Variants in BMP2K observed in about 807,000 individuals in gnomAD.
The protein encoded by BMP2K is BMP-2-inducible protein kinase.
BMP2K carries 74 observed loss-of-function variants against 116.0 expected under a neutral mutation model. The ratio of observed to expected loss-of-function variants is 0.64; its 90% CI spans 0.53 to 0.77. BMP2K has a LOEUF of 0.77. BMP2K is among the 30% of genes least tolerant of loss of function. The probability of loss-of-function intolerance (pLI) is 0.00; values close to 1 mark genes in which losing one functional copy is unlikely to be tolerated. For synonymous variants in BMP2K, 486 were observed against 502.5 expected, an observed-to-expected ratio of 0.97 and a Z score of 0.44; for missense variants, 1,365 against 1,403.6, an observed-to-expected ratio of 0.97 and a Z score of 0.44.
intron 4 of BMP2K, 43 bp downstream of exon 4, chr4:78,842,570 G>A: frequency 1.3e-6 from 2 of 1,485,386 alleles, no homozygotes; most frequent in Non-Finnish European, 9.1e-7. Context: ...ATAAGTTGGA[G>A]TTAAAATGTT....
intron 9 of BMP2K, among the ~76,000 whole-genome samples, chr4:78,865,134 A>G (rs1731980800): frequency 6.6e-6 from 1 of 152,128 alleles, no homozygotes; most frequent in African/African-American, 2.4e-5. Context: ...TTCTTTTTTT[A>G]TGCCTTGGAG....
intron 9 of BMP2K, among the ~76,000 whole-genome samples, chr4:78,865,149 A>C (rs1731981768): frequency 6.6e-6 from 1 of 152,190 alleles, no homozygotes; most frequent in Non-Finnish European, 1.5e-5. Flanking sequence ...TTGGAGTCCA[A>C]GTAAAGGGAG....
At chr4:78,899,669 T>C (rs978255357) in intron 15 of BMP2K, among the ~76,000 whole-genome samples, 70 of 151,680 alleles carry the variant, frequency 4.6e-4, no homozygotes, top group African/African-American at 9.7e-4. Context: ...TTTTTTTTTT[T>C]CCCAAAGGAT....
intron 15 of BMP2K, among the ~76,000 whole-genome samples, chr4:78,904,063 TATGAAA>T (rs1290819170): frequency 6.6e-6 from 1 of 151,886 alleles, no homozygotes; most frequent in African/African-American, 2.4e-5. Flanking sequence ...TAATTGGAAT[TATGAAA>T]GAGTATTAAA....
intron 7 of BMP2K, chr4:78,859,382 GA>G: frequency 2.4e-6 from 1 of 411,034 alleles, no homozygotes; most frequent in Non-Finnish European, 4.3e-6. Flanking sequence ...TTCTGTGATT[GA>G]TCTACCCTTA....
chr4:78,852,594 A>AT lies in BMP2K; in HGVS notation c.883+1545dup, dbSNP rs1577927267. Among the ~76,000 whole-genome samples, 4 of 152,084 alleles carry AT rather than the reference A, an allele frequency of 2.6e-5. No homozygotes were observed. The East Asian group carries it at 7.7e-4, about 29-fold the overall frequency. On this transcript the variant is annotated intron_variant, in intron 7 of 15. Transcript: ENST00000502613. ...TTAGAAAACATTTAGATTCTTTGCA[A>AT]TTTTTTTCTTTTTCTTTGTCTTCTT... is the stretch of plus-strand genomic sequence containing the variant.
chr4:78,804,954 G>A (rs1414314728), intron 1 of BMP2K, among the ~76,000 whole-genome samples: 1 of 151,988 alleles, frequency 6.6e-6, no homozygotes, highest in Non-Finnish European at 1.5e-5. Context: ...GGTTGCATAT[G>A]CTTTTGATAT....
intron 1 of BMP2K, among the ~76,000 whole-genome samples, chr4:78,800,338 A>G (rs1236504832): frequency 1.3e-5 from 2 of 152,212 alleles, no homozygotes; most frequent in Non-Finnish European, 2.9e-5. Context: ...ATGCATAAGC[A>G]TCAACATGTT....
intron 15 of BMP2K, among the ~76,000 whole-genome samples, chr4:78,907,717 A>C (rs1253572136): frequency 1.3e-5 from 2 of 152,198 alleles, no homozygotes; most frequent in African/African-American, 4.8e-5. Context: ...GGCAGAATGC[A>C]GAGTGCACCA....
chr4:78,783,773 T>C (rs1187227837), intron 1 of BMP2K, among the ~76,000 whole-genome samples: 1 of 151,886 alleles, frequency 6.6e-6, no homozygotes, highest in Non-Finnish European at 1.5e-5. Context: ...GCCATTGCAC[T>C]CCAGCCTGGG....
At chr4:78,812,871 C>T (rs1401448629) in intron 1 of BMP2K, among the ~76,000 whole-genome samples, 1 of 151,850 alleles carries the variant, frequency 6.6e-6, no homozygotes, top group Non-Finnish European at 1.5e-5. Context: ...CCCACACCCC[C>T]ATCTCTACCA....
chr4:78,860,479 T>C (rs1731718355), intron 8 of BMP2K, among the ~76,000 whole-genome samples: 2 of 151,920 alleles, frequency 1.3e-5, no homozygotes, highest in Admixed American at 1.3e-4. Flanking sequence ...TTATAAGGAT[T>C]ACATGTGAAA....
chr4:78,880,975 A>C (rs1732859051), intron 14 of BMP2K, among the ~76,000 whole-genome samples: 1 of 152,196 alleles, frequency 6.6e-6, no homozygotes, highest in African/African-American at 2.4e-5. Context: ...GAGCTACTGA[A>C]ATTATTGTCA....
intron 5 of BMP2K, among the ~76,000 whole-genome samples, chr4:78,846,766 T>A (rs1731025457): frequency 6.6e-6 from 1 of 151,664 alleles, no homozygotes; most frequent in African/African-American, 2.4e-5. Flanking sequence ...TAAAAACAAT[T>A]TCCTTAGTAA....
chr4:78,911,060 C>T lies in BMP2K; in HGVS notation c.2513C>T (p.Thr838Ile), dbSNP rs760828402. ...CAAGATCTTAATACAATACTCCTCA[C>T]CTCAGCCCAATTATCCTCTGATGTT... ...PTQDLNTILLTSAQLSSDVAV... is the reference protein window; with the variant it reads ...PTQDLNTILLISAQLSSDVAV... Residue 838 changes from threonine (T) to isoleucine (I), a missense_variant, in exon 16 of 16, where the codon ACC becomes ATC. By Grantham distance (89) the Thr-to-Ile change is moderately conservative. Transcript: ENST00000502613. 53 of 1,613,826 alleles carry T rather than the reference C, an allele frequency of 3.3e-5. No individual in the cohort carries two copies. Among genetic ancestry groups the T allele is most frequent in the Non-Finnish European group, 4.2e-5 (50 of 1,179,878 alleles).
At chr4:78,786,463 G>C (rs1002420657) in intron 1 of BMP2K, among the ~76,000 whole-genome samples, 1 of 139,054 alleles carries the variant, frequency 7.2e-6, no homozygotes, top group Non-Finnish European at 1.5e-5. Flanking sequence ...TTTGAGACAC[G>C]GTCTCTATTG....
At position 78,850,928 on chromosome 4, in the gene BMP2K, T is replaced by C; in HGVS notation, c.755T>C (p.Leu252Pro). Residue 252 changes from leucine (L) to proline (P), a missense_variant, in exon 7 of 16, where the codon CTG becomes CCG. Leu to Pro is a moderately conservative substitution (Grantham distance 98). Transcript: ENST00000502613. ...TTATGCTTCTTTGGTTTACAGGCACTGGGATGTCTACTCTATAAACTTTGT... is the reference window on the plus strand; with the variant it reads ...TTATGCTTCTTTGGTTTACAGGCACCGGGATGTCTACTCTATAAACTTTGT... The part of the protein sequence containing the change: ...PITTKADIWA[L>P]GCLLYKLCFF... 6.2e-7 allele frequency: 1 copy of C among 1,611,536 alleles called. No individual in the cohort carries two copies. Among genetic ancestry groups the C allele is most frequent in the South Asian group, 1.1e-5 (1 of 90,892 alleles).
At position 78,912,203 on chromosome 4, in the gene BMP2K, A is replaced by G. The variant is rs550420185; in HGVS notation, c.*170A>G. ...GAAGAATGAAGTATCTCTACAGGGT[A>G]GTAACTTGATTCCTCTTCAGGAGAA... On this transcript the variant is annotated 3_prime_UTR_variant, in exon 16 of 16. Coordinates refer to ENST00000502613, the MANE Select transcript of BMP2K (RefSeq NM_198892.2). 2 of 619,560 alleles carry G rather than the reference A, an allele frequency of 3.2e-6. No homozygotes were observed. Among genetic ancestry groups the G allele is most frequent in the East Asian group, 2.9e-5 (1 of 34,978 alleles). 38.4% of individuals were successfully genotyped at this position (619,560 alleles called of 1,614,324 possible). A position where few individuals can be genotyped will look rare whatever the true frequency, so the allele number is the denominator to read the frequency against.
intron 10 of BMP2K, among the ~76,000 whole-genome samples, chr4:78,867,261 G>A (rs1249929200): frequency 6.6e-6 from 1 of 152,172 alleles, no homozygotes; most frequent in Non-Finnish European, 1.5e-5. Context: ...AAAGAAGGAA[G>A]CTAAAGCCTC....
Sources: gnomAD v4.1 joint callset for allele counts (sites outside exome capture counted in the v4.1 genomes callset) on GRCh38, gnomAD v4.1.1 for gene constraint, MANE v1.5 for transcripts, NCBI Gene and HGNC (gene_info 2026-07-23, HGNC 2026-07-21) for gene names.